CNTNAP2: variants seen among roughly 807,000 people sequenced by gnomAD.
CNTNAP2 encodes contactin-associated protein-like 2.
In CNTNAP2, 98 loss-of-function variants were observed where a neutral mutation model predicts 155.2. The observed-to-expected ratio is 0.63, with a 90% CI of 0.54 to 0.75. CNTNAP2 has a LOEUF of 0.75. Ranked by LOEUF, CNTNAP2 falls within the 30% of genes least tolerant of loss-of-function variation. The probability of loss-of-function intolerance (pLI) is 0.00; values close to 1 mark genes in which losing one functional copy is unlikely to be tolerated. For missense variants in CNTNAP2, 1,727 were observed against 1,688.1 expected (o/e 1.02, Z -0.40); for synonymous variants, 651 against 631.2 (o/e 1.03, Z -0.47).
intron 9 of CNTNAP2, among the ~76,000 whole-genome samples, chr7:147,356,000 C>T (rs1360852516): frequency 6.6e-6 from 1 of 152,074 alleles, no homozygotes; most frequent in East Asian, 1.9e-4. Flanking sequence ...AATTTCAGGG[C>T]AATAACCCTG....
At chr7:147,437,555 C>G (rs1797572168) in intron 10 of CNTNAP2, among the ~76,000 whole-genome samples, 1 of 152,038 alleles carries the variant, frequency 6.6e-6, no homozygotes, top group Non-Finnish European at 1.5e-5. Context: ...TTCCATTGAT[C>G]TGTTTGTCCA....
chr7:146,146,494 C>G (rs1278885721), intron 1 of CNTNAP2, among the ~76,000 whole-genome samples: 3 of 151,854 alleles, frequency 2.0e-5, no homozygotes, highest in Non-Finnish European at 2.9e-5. Context: ...TTATTCTTGT[C>G]AAGATTTGCC....
intron 13 of CNTNAP2, among the ~76,000 whole-genome samples, chr7:147,737,494 C>G (rs1014320428): frequency 1.2e-4 from 18 of 152,148 alleles, no homozygotes; most frequent in Admixed American, 1.0e-3. Flanking sequence ...GGCAGTCTGT[C>G]CGTTCGCAGA....
intron 1 of CNTNAP2, among the ~76,000 whole-genome samples, chr7:146,203,252 G>A (rs577012867): frequency 2.0e-5 from 3 of 152,244 alleles, no homozygotes; most frequent in African/African-American, 4.8e-5. Flanking sequence ...TGAGGACTCA[G>A]TTTTCAAGAA....
chr7:147,822,538 A>T (rs140504453), intron 13 of CNTNAP2, among the ~76,000 whole-genome samples: 1 of 152,126 alleles, frequency 6.6e-6, no homozygotes, highest in Non-Finnish European at 1.5e-5. Context: ...AGTGTTGTCT[A>T]TTTTGTCAGC....
intron 11 of CNTNAP2, among the ~76,000 whole-genome samples, chr7:147,507,673 C>T (rs935967824): frequency 1.3e-5 from 2 of 151,336 alleles, no homozygotes; most frequent in African/African-American, 4.9e-5. Flanking sequence ...CTGCCTCAGC[C>T]TCCCGAGTAG....
intron 8 of CNTNAP2, among the ~76,000 whole-genome samples, chr7:147,220,787 T>C (rs974091402): frequency 2.0e-5 from 3 of 152,184 alleles, no homozygotes; most frequent in Non-Finnish European, 4.4e-5. Flanking sequence ...TGATCTCGGC[T>C]CTCTCAACCT....
intron 1 of CNTNAP2, among the ~76,000 whole-genome samples, chr7:146,305,677 A>G (rs897338527): frequency 6.6e-6 from 1 of 152,310 alleles, no homozygotes; most frequent in Non-Finnish European, 1.5e-5. Context: ...AGGCAGAAAT[A>G]AAGATGTTCT....
At chr7:146,299,617 G>T (rs1159866741) in intron 1 of CNTNAP2, among the ~76,000 whole-genome samples, 2 of 151,880 alleles carry the variant, frequency 1.3e-5, no homozygotes, top group Non-Finnish European at 2.9e-5. Context: ...GTCCAGGATG[G>T]TCACCAACAC....
Position 146,676,745 on chromosome 7 carries a change from G to A in CNTNAP2, c.98-97526G>A, listed in dbSNP as rs79304174. On this transcript the variant is annotated intron_variant, in intron 1 of 23. Transcript: ENST00000361727. The stretch of plus-strand genomic sequence containing the variant: ...CATGGTGGCAGGCAAGAGAGAATGA[G>A]AGCCAAGCAAAAGAGGAAATCCTTT... 7.6e-4 allele frequency among the ~76,000 whole-genome samples: 116 copies of A among 152,266 alleles called. 1 individual carries two copies. Among genetic ancestry groups the A allele is most frequent in the African/African-American group, 2.5e-3 (106 of 41,570 alleles).
intron 2 of CNTNAP2, among the ~76,000 whole-genome samples, chr7:146,787,082 G>A (rs1802586529): frequency 6.6e-6 from 1 of 152,194 alleles, no homozygotes; most frequent in Non-Finnish European, 1.5e-5. Flanking sequence ...TATTTGGATG[G>A]ATAACGAATT....
intron 13 of CNTNAP2, among the ~76,000 whole-genome samples, chr7:147,651,801 C>T (rs1795454388): frequency 6.6e-6 from 1 of 152,218 alleles, no homozygotes; most frequent in Non-Finnish European, 1.5e-5. Context: ...CTTCATTCCA[C>T]ATTTTAATGA....
At chr7:147,170,860 G>A (rs891876169) in intron 8 of CNTNAP2, among the ~76,000 whole-genome samples, 8 of 152,146 alleles carry the variant, frequency 5.3e-5, no homozygotes, top group African/African-American at 1.7e-4. Flanking sequence ...CAGGCAGGCG[G>A]GGCTGCGGGA....
At chr7:147,107,558 C>T (rs1330600699) in intron 4 of CNTNAP2, among the ~76,000 whole-genome samples, 1 of 151,988 alleles carries the variant, frequency 6.6e-6, no homozygotes, top group Non-Finnish European at 1.5e-5. Flanking sequence ...TTGAGACACA[C>T]TGCTTCCTAA....
chr7:146,812,588 A>G (rs1803088093), intron 2 of CNTNAP2, among the ~76,000 whole-genome samples: 1 of 152,004 alleles, frequency 6.6e-6, no homozygotes. Context: ...AAAGCTCTCA[A>G]GGAAGCAGAG....
intron 17 of CNTNAP2, among the ~76,000 whole-genome samples, chr7:148,168,653 G>A (rs544044636): frequency 1.3e-5 from 2 of 152,148 alleles, no homozygotes; most frequent in Admixed American, 1.3e-4. Flanking sequence ...CAAGGCACAT[G>A]TATACATATG....
At chr7:147,671,705 A>T (rs915743021) in intron 13 of CNTNAP2, 1 of 152,306 alleles carries the variant, frequency 6.6e-6, no homozygotes, top group Non-Finnish European at 1.5e-5. Context: ...GGGGCTCCCA[A>T]GTACTCTAAC....
intron 19 of CNTNAP2, among the ~76,000 whole-genome samples, chr7:148,217,970 C>A (rs112507998): frequency 1.2e-4 from 18 of 152,206 alleles, no homozygotes; most frequent in African/African-American, 3.9e-4. Context: ...ACAAAAAATA[C>A]AAAAATTAGC....
At chr7:147,050,114 A>C (rs1009123603) in intron 4 of CNTNAP2, among the ~76,000 whole-genome samples, 1 of 152,200 alleles carries the variant, frequency 6.6e-6, no homozygotes, top group African/African-American at 2.4e-5. Flanking sequence ...AAACAAGTGC[A>C]TGCAGTTATT....
Sources: allele counts gnomAD v4.1 joint callset (sites outside exome capture counted in the v4.1 genomes callset), GRCh38; gene constraint gnomAD v4.1.1; transcripts MANE v1.5; gene names NCBI Gene and HGNC (gene_info 2026-07-23, HGNC 2026-07-21).